TNXB: variants seen among roughly 807,000 people sequenced by gnomAD.
The protein encoded by TNXB is tenascin-X.
Under a neutral mutation model 340.5 loss-of-function variants are expected in TNXB, and 183 were observed. That is an observed-to-expected ratio of 0.54 (90% CI 0.48 to 0.61). TNXB has a LOEUF of 0.61. Among genes scored for constraint, TNXB ranks in the 20% least tolerant of loss-of-function variants. TNXB has a pLI of 0.00. For synonymous variants in TNXB, 2,121 were observed against 2,314.5 expected, an observed-to-expected ratio of 0.92 and a Z score of 2.40; for missense variants, 4,613 against 5,446.4, an observed-to-expected ratio of 0.85 and a Z score of 4.82.
chr6:32,065,474 TC>T (rs1171883977), intron 18 of TNXB, among the ~76,000 whole-genome samples: 1 of 152,172 alleles, frequency 6.6e-6, no homozygotes, highest in African/African-American at 2.4e-5. Flanking sequence ...CAATGTATCC[TC>T]CTTCTATAGA....
At position 32,074,377 on chromosome 6, in the gene TNXB, G is replaced by A. The variant is rs1467663685; in HGVS notation, c.4376-425C>T. On this transcript the variant is annotated intron_variant, in intron 11 of 43. Transcript: ENST00000644971. This position sits in a 1 kb window ranked among gnomAD's most constrained non-coding sequence, Gnocchi z 5.5. Reference sequence around the variant, plus strand: ...GATGGTTTTGATGTAAAAGCGCATTGATCTGAACATCTGTCTGGTCAACAG... The same window carrying A: ...GATGGTTTTGATGTAAAAGCGCATTAATCTGAACATCTGTCTGGTCAACAG... 6.6e-6 allele frequency among the ~76,000 whole-genome samples: 1 copy of A among 152,188 alleles called. No individual in the cohort carries two copies. Among genetic ancestry groups the A allele is most frequent in the Non-Finnish European group, 1.5e-5 (1 of 68,030 alleles).
intron 34 of TNXB, 46 bp downstream of exon 34, chr6:32,043,961 G>T (rs535029125): frequency 3.1e-6 from 5 of 1,609,054 alleles, no homozygotes; most frequent in Non-Finnish European, 3.4e-6. Flanking sequence ...CAGAGTGCAG[G>T]GGGGAGAGGA....
chr6:32,056,789 G>A lies in TNXB; in HGVS notation c.7940C>T (p.Ser2647Phe). Residue 2647 changes from serine to phenylalanine, a missense_variant, in exon 23 of 44, where the codon TCC (serine) becomes TTC (phenylalanine). Ser to Phe is a radical substitution (Grantham distance 155). Around this residue, in one of 7 missense-constraint regions of TNXB, gnomAD observed 4,327 missense variants for 4,859.4 expected, o/e 0.89. Coordinates refer to ENST00000644971, the MANE Select transcript of TNXB (RefSeq NM_001365276.2). ...AAACTGGCCCTCGGGAACCGTCCAG[G>A]ACAGGCTGAGGGAGTCAGGGGTGGC... ...TDATPDSLSL[S>F]WTVPEGQFDH... is the part of the protein sequence containing the mutation. 1 of 1,613,270 alleles carries A rather than the reference G, an allele frequency of 6.2e-7. No homozygotes were observed. Among genetic ancestry groups the A allele is most frequent in the Non-Finnish European group, 8.5e-7 (1 of 1,179,844 alleles).
Position 32,049,547 on chromosome 6 carries a change from G to A in TNXB, c.9480C>T (p.Ala3160=), listed in dbSNP as rs1777133703. ...TPSPTEPSTE[A]PEAPEEPLLG... is the part of the protein sequence containing the mutation. ...GGAGCGGCTCCTCAGGGGCCTCCGG[G>A]GCCTCAGTGCTGGGTTCTGTGGGGC... The change falls in exon 28 of 44, where the codon GCC becomes GCT. Residue 3160 remains alanine, a synonymous_variant. Transcript: ENST00000644971. The surrounding 1 kb of genome is among the most constrained non-coding windows in gnomAD (Gnocchi z 4.5). 2 of 1,612,548 alleles carry A rather than the reference G, an allele frequency of 1.2e-6. No homozygotes were observed. Among genetic ancestry groups the A allele is most frequent in the African/African-American group, 1.3e-5 (1 of 75,008 alleles).
At chr6:32,063,788 G>C (rs1026259332) in intron 19 of TNXB, among the ~76,000 whole-genome samples, 8 of 152,142 alleles carry the variant, frequency 5.3e-5, no homozygotes, top group Admixed American at 1.3e-4. Flanking sequence ...TTTGAGAACT[G>C]AGTCTTAAGC....
Position 32,072,327 on chromosome 6 carries a change from T to A in TNXB, c.4682-29A>T. The stretch of plus-strand genomic sequence containing the variant: ...GGATTTGGGAAGACAAAGAACATGG[T>A]TGAGATCTCTGAGGGGAGAACCCCT... On this transcript the variant is annotated intron_variant, in intron 12 of 43. Coordinates refer to ENST00000644971, the MANE Select transcript of TNXB (RefSeq NM_001365276.2). The surrounding 1 kb of genome is among the most constrained non-coding windows in gnomAD (Gnocchi z 4.4). 6.4e-7 allele frequency: 1 copy of A among 1,565,844 alleles called. No homozygotes were observed. The highest frequency in any genetic ancestry group is 8.7e-7 in the Non-Finnish European group (1 of 1,153,854).
chr6:32,053,033 G>C (rs1335568501), intron 25 of TNXB, 40 bp from the exon 26 acceptor site: 1 of 1,586,072 alleles, frequency 6.3e-7, no homozygotes, highest in East Asian at 2.2e-5. Context: ...AGCTTCCCTG[G>C]GGGATGTCCT....
At position 32,087,662 on chromosome 6, in the gene TNXB, C is replaced by T; in HGVS notation, c.2779+1123G>A. 2.3e-6 allele frequency: 1 copy of T among 432,796 alleles called. No homozygotes were observed. The highest frequency in any genetic ancestry group is 1.6e-5 in the South Asian group (1 of 61,770). The allele number at this position is 432,796 out of a possible 1,614,324, so 26.8% of individuals were successfully genotyped here. On this transcript the variant is annotated intron_variant, in intron 6 of 43. Transcript: ENST00000644971. This position sits in a 1 kb window ranked among gnomAD's most constrained non-coding sequence, Gnocchi z 9.0. Reference sequence around the variant, plus strand: ...GCGGGGGAGCCGGCTGGGGCGGCGGCCAACAGACGCCGCTGCAAGTATTCA... The same window carrying T: ...GCGGGGGAGCCGGCTGGGGCGGCGGTCAACAGACGCCGCTGCAAGTATTCA...
chr6:32,056,628 C>A lies in TNXB; in HGVS notation c.8101G>T (p.Gly2701Cys), dbSNP rs367754667. Residue 2701 changes from glycine to cysteine, a missense_variant, in exon 23 of 44, where the codon GGT (glycine) becomes TGT (cysteine). Physicochemically the swap from Gly to Cys is radical, Grantham distance 159. Around this residue, in one of 7 missense-constraint regions of TNXB, gnomAD observed 4,327 missense variants for 4,859.4 expected, o/e 0.89. Coordinates refer to ENST00000644971, the MANE Select transcript of TNXB (RefSeq NM_001365276.2). ...KYKMNLYGFH[G>C]GQRVGPISVI... is the part of the protein sequence containing the mutation. ...GAGATGGGGCCCACGCGCTGGCCAC[C>A]GTGGAAGCCGTACAGGTTCATCTTG... 6.2e-7 allele frequency: 1 copy of A among 1,613,046 alleles called. No homozygotes were observed. Among genetic ancestry groups the A allele is most frequent in the South Asian group, 1.1e-5 (1 of 91,084 alleles).
At chr6:32,105,547 C>T (rs972697202) in intron 1 of TNXB, among the ~76,000 whole-genome samples, 13 of 152,058 alleles carry the variant, frequency 8.5e-5, no homozygotes, top group Middle Eastern at 3.4e-3. Flanking sequence ...AAATATTTAC[C>T]GACTATATGA....
In TNXB at chr6:32,056,259, A is replaced by C. The variant is rs1250732714; in HGVS notation, c.8144-85T>G. 2.7e-6 allele frequency: 4 copies of C among 1,469,830 alleles called. No homozygotes were observed. In the African/African-American group the frequency reaches 5.6e-5, roughly 21 times the overall value. The allele number at this position is 1,469,830 out of a possible 1,614,324, so 91.0% of individuals were successfully genotyped here. A position where few individuals can be genotyped will look rare whatever the true frequency, so the allele number is the denominator to read the frequency against. ...AGGGAAGGAGGGAGAAACCATGGCC[A>C]CTACTGGGTATGTGAGGTCATTTCA... On this transcript the variant is annotated intron_variant, in intron 23 of 43. Transcript: ENST00000644971.
Position 32,070,197 on chromosome 6 carries a change from C to A in TNXB, c.5208G>T (p.Lys1736Asn). The A allele has an allele frequency of 6.2e-7, 1 of 1,611,980 alleles. No homozygotes were observed. The highest frequency in any genetic ancestry group is 8.5e-7 in the Non-Finnish European group (1 of 1,179,184). ...VTVTPLDAGR[K>N]YRFLLYGLLG... ...GGAGGCCATAGAGGAGGAATCTGTA[C>A]TTGCGGCCGGCATCCAGAGGGGTGA... Residue 1736 changes from lysine (K) to asparagine (N), a missense_variant, in exon 14 of 44, where the codon AAG (lysine) becomes AAT (asparagine). By Grantham distance (94) the Lys-to-Asn change is moderately conservative (BLOSUM62 0). Around this residue, in one of 7 missense-constraint regions of TNXB, gnomAD observed 4,327 missense variants for 4,859.4 expected, o/e 0.89. Coordinates refer to ENST00000644971, the MANE Select transcript of TNXB (RefSeq NM_001365276.2). The surrounding 1 kb of genome is among the most constrained non-coding windows in gnomAD (Gnocchi z 6.0).
rs1779758021 is a variant in TNXB, at chr6:32,086,079, G to A, written c.2819C>T (p.Pro940Leu). 1 of 1,574,278 alleles carries A rather than the reference G, an allele frequency of 6.4e-7. No homozygotes were observed. The change falls in exon 7 of 44, where the codon CCT becomes CTT. Residue 940 changes from proline (P) to leucine (L), a missense_variant. Pro to Leu is a moderately conservative substitution (Grantham distance 98). Coordinates refer to ENST00000644971, the MANE Select transcript of TNXB (RefSeq NM_001365276.2). ...CGTCGTCGAGGGGCCTGAGGGAGGA[G>A]GCTCATCGGTAGTCCCCAAGAGGCC... Reference protein sequence around the residue: ...PLGLLGTTDEPPPSGPSTTQG... With the variant: ...PLGLLGTTDELPPSGPSTTQG...
chr6:32,048,226 CA>C, intron 29 of TNXB, 136 bp downstream of exon 29: 2 of 1,097,140 alleles, frequency 1.8e-6, no homozygotes, highest in Non-Finnish European at 2.5e-6. Flanking sequence ...GAGGAGAGCT[CA>C]GGGCCTGGGT....
rs375923873 is a variant in TNXB, at chr6:32,056,924, G to A, written c.7826-21C>T. 2.0e-5 allele frequency: 32 copies of A among 1,606,106 alleles called. 1 individual carries two copies. The Middle Eastern group carries it at 9.9e-4, about 50-fold the overall frequency. ...ATCCTCTGGAGTTGGACAGACACGT[G>A]TGGGGACAGTGAGGTCCCTGGCTCC... On this transcript the variant is annotated intron_variant, in intron 22 of 43. Coordinates refer to ENST00000644971, the MANE Select transcript of TNXB (RefSeq NM_001365276.2).
chr6:32,041,362 G>A lies in TNXB; in HGVS notation c.12722C>T (p.Ala4241Val), dbSNP rs202247763. 30 of 980,892 alleles carry A rather than the reference G, an allele frequency of 3.1e-5. No individual in the cohort carries two copies. Among genetic ancestry groups the A allele is most frequent in the East Asian group, 2.1e-4 (8 of 38,454 alleles). 60.8% of individuals were successfully genotyped at this position (980,892 alleles called of 1,614,324 possible). The change falls in exon 44 of 44, where the codon GCG becomes GTG. Residue 4241 changes from alanine to valine, a missense_variant. Ala to Val is a moderately conservative substitution (Grantham distance 64, BLOSUM62 0). Coordinates refer to ENST00000644971, the MANE Select transcript of TNXB (RefSeq NM_001365276.2). ...KLRPRNFRSP[A>V]GGG ...GTGGGCAGCAGCTCAGCCTCCCCCC[G>A]CTGGGGAGCGAAAGTTTCTTGGTCT... is the stretch of plus-strand genomic sequence containing the variant.
rs184404398 is a variant in TNXB, at chr6:32,041,630, C to T, written c.12633+141G>A. 618 of 1,091,214 alleles carry T rather than the reference C, an allele frequency of 5.7e-4. 3 individuals are homozygous for T. In the African/African-American group the frequency reaches 8.3e-3, roughly 15 times the overall value. 67.6% of individuals were successfully genotyped at this position (1,091,214 alleles called of 1,614,324 possible). Reference sequence around the variant, plus strand: ...TGGCCCTTTCCAGCCAATAAATCAACTCCAGCTCCCTCTGCGAGGCTGGCA... The same window carrying T: ...TGGCCCTTTCCAGCCAATAAATCAATTCCAGCTCCCTCTGCGAGGCTGGCA... On this transcript the variant is annotated intron_variant, in intron 43 of 43. Transcript: ENST00000644971.
intron 1 of TNXB, among the ~76,000 whole-genome samples, chr6:32,102,804 C>T (rs556509238): frequency 9.9e-5 from 15 of 152,200 alleles, no homozygotes; most frequent in African/African-American, 3.4e-4. Context: ...CCTGTAGTCC[C>T]AGCTACCTGG....
chr6:32,069,570 G>A lies in TNXB; in HGVS notation c.5570C>T (p.Ser1857Leu), dbSNP rs200454166. 9.5e-6 allele frequency: 15 copies of A among 1,578,998 alleles called. No individual in the cohort carries two copies. The highest frequency in any genetic ancestry group is 4.6e-5 in the South Asian group (4 of 87,526). Residue 1857 changes from serine to leucine, a missense_variant, in exon 15 of 44, where the codon TCG becomes TTG. By Grantham distance (145) the Ser-to-Leu change is moderately radical. Around this residue, in one of 7 missense-constraint regions of TNXB, gnomAD observed 4,327 missense variants for 4,859.4 expected, o/e 0.89. Transcript: ENST00000644971. This position sits in a 1 kb window ranked among gnomAD's most constrained non-coding sequence, Gnocchi z 6.2. ...ACACTCACCAGTAATGGCGACGGCCGAGATGGGGCCCACACGCTTGCCGTG... is the reference window on the plus strand; with the variant it reads ...ACACTCACCAGTAATGGCGACGGCCAAGATGGGGCCCACACGCTTGCCGTG... ...LHHGKRVGPI[S>L]AVAITAGREE...
Sources: gnomAD v4.1 joint callset for allele counts (sites outside exome capture counted in the v4.1 genomes callset) on GRCh38, gnomAD v4.1.1 for gene constraint, gnomAD v4.1.1 regional missense constraint, Gnocchi (gnomAD v3.1) non-coding constraint, MANE v1.5 for transcripts, NCBI Gene and HGNC (gene_info 2026-07-23, HGNC 2026-07-21) for gene names.